The following ARAP2 variants were observed in gnomAD, a reference collection of about 807,000 sequenced individuals.
The protein encoded by ARAP2 is ArfGAP with RhoGAP domain, ankyrin repeat and PH domain 2.
ARAP2 carries 148 observed loss-of-function variants against 194.5 expected under a neutral mutation model. That is an observed-to-expected ratio of 0.76 (90% CI 0.67 to 0.87). The LOEUF (loss-of-function observed/expected upper bound fraction) is 0.87. Ranked by LOEUF, ARAP2 falls within the 40% of genes least tolerant of loss-of-function variation. The pLI, the probability that ARAP2 is intolerant of heterozygous loss-of-function variation, is 0.00. For missense variants in ARAP2, 2,128 were observed against 1,989.7 expected (o/e 1.07, Z -1.32); for synonymous variants, 695 against 683.5 (o/e 1.02, Z -0.26).
At chr4:36,023,826 G>C (rs1717427190) in intron 5 of ARAP2, among the ~76,000 whole-genome samples, 1 of 152,130 alleles carries the variant, frequency 6.6e-6, no homozygotes, top group South Asian at 2.1e-4. Context: ...TTATTGTCCT[G>C]TAATAAACTT....
Position 36,213,208 on chromosome 4 carries a change from G to A in ARAP2, c.1041+35C>T, listed in dbSNP as rs770988242. Reference sequence around the variant, plus strand: ...CAAATAGGCAGAAAAGCAAATAATTGATTATGGAAAACAATTAAAATGTAT... The same window carrying A: ...CAAATAGGCAGAAAAGCAAATAATTAATTATGGAAAACAATTAAAATGTAT... On this transcript the variant is annotated intron_variant, in intron 4 of 32. Coordinates refer to ENST00000303965, the MANE Select transcript of ARAP2 (RefSeq NM_015230.4). 12 of 1,418,890 alleles carry A rather than the reference G, an allele frequency of 8.5e-6. No homozygotes were observed. The South Asian group carries it at 1.2e-4, about 14-fold the overall frequency. The allele number at this position is 1,418,890 out of a possible 1,614,324, so 87.9% of individuals were successfully genotyped here. A position where few individuals can be genotyped will look rare whatever the true frequency, so the allele number is the denominator to read the frequency against.
intron 9 of ARAP2, among the ~76,000 whole-genome samples, chr4:36,173,680 C>T (rs1046398980): frequency 2.0e-5 from 3 of 151,646 alleles, no homozygotes; most frequent in Non-Finnish European, 1.5e-5. Context: ...AATTTTAAAG[C>T]GAATTGGAGG....
At chr4:36,105,003 G>A (rs1717996146) in intron 27 of ARAP2, among the ~76,000 whole-genome samples, 1 of 151,964 alleles carries the variant, frequency 6.6e-6, no homozygotes, top group Non-Finnish European at 1.5e-5. Context: ...CTCCCACCCT[G>A]TTAGAGATGT....
At chr4:36,009,790 A>C (rs533194041) in intron 9 of ARAP2, among the ~76,000 whole-genome samples, 27 of 86,048 alleles carry the variant, frequency 3.1e-4, no homozygotes, top group African/African-American at 9.9e-4. Flanking sequence ...GGGGATGAAA[A>C]AGGAACTCTT....
chr4:36,208,000 G>C (rs1745927328), intron 6 of ARAP2, among the ~76,000 whole-genome samples: 1 of 152,212 alleles, frequency 6.6e-6, no homozygotes, highest in South Asian at 2.1e-4. Context: ...CCACGTGCTA[G>C]ACAATGTTCT....
chr4:36,021,139 T>C (rs1222769190), intron 5 of ARAP2, among the ~76,000 whole-genome samples: 1 of 152,198 alleles, frequency 6.6e-6, no homozygotes, highest in African/African-American at 2.4e-5. Flanking sequence ...GAGATAAATG[T>C]ACATAAAGTT....
intron 27 of ARAP2, among the ~76,000 whole-genome samples, chr4:36,100,617 A>G (rs1716602891): frequency 6.6e-6 from 1 of 151,984 alleles, no homozygotes; most frequent in Admixed American, 6.6e-5. Context: ...TTTTTTTTAT[A>G]ATTTTGATGA....
downstream of ARAP2, among the ~76,000 whole-genome samples, chr4:36,064,023 T>C (rs1724919961): frequency 6.6e-6 from 1 of 152,238 alleles, no homozygotes. Context: ...GTCATATTTT[T>C]GCTTCAATTA....
intron 24 of ARAP2, 107 bp downstream of exon 24, chr4:36,119,543 A>T: frequency 2.9e-6 from 2 of 701,698 alleles, no homozygotes; most frequent in Admixed American, 2.8e-5. Flanking sequence ...CATTACTTTT[A>T]CTTTGCTTAA....
At position 36,148,882 on chromosome 4, in the gene ARAP2, CTCT is replaced by C. The variant is rs1730281508; in HGVS notation, c.2898-378_2898-376del. Among the ~76,000 whole-genome samples, 4 of 152,174 alleles carry C rather than the reference CTCT, an allele frequency of 2.6e-5. No individual in the cohort carries two copies. The South Asian group carries it at 8.3e-4, about 32-fold the overall frequency. On this transcript the variant is annotated intron_variant, in intron 16 of 32. Coordinates refer to ENST00000303965, the MANE Select transcript of ARAP2 (RefSeq NM_015230.4). ...AACACTGCCCAAACAGTTTTTAACC[CTCT>C]TCTTTTCTAACTTCAAATGGTCCCA...
chr4:36,063,055 T>C (rs1486973710), downstream of ARAP2, among the ~76,000 whole-genome samples: 3 of 152,126 alleles, frequency 2.0e-5, no homozygotes, highest in African/African-American at 7.2e-5. Flanking sequence ...CATAACTAAC[T>C]CCATTTTTTG....
Position 36,135,260 on chromosome 4 carries a change from A to T in ARAP2, c.3264-1871T>A, listed in dbSNP as rs367657844. Among the ~76,000 whole-genome samples, 9 of 151,894 alleles carry T rather than the reference A, an allele frequency of 5.9e-5. No individual in the cohort carries two copies. The South Asian group carries it at 1.9e-3, about 31-fold the overall frequency. On this transcript the variant is annotated intron_variant, in intron 19 of 32. Transcript: ENST00000303965. ...CTTTGGGGGCCAGGTGTGGGTAATA[A>T]GGAATGTAATCTTTTACATTTCTGA...
At position 36,161,567 on chromosome 4, in the gene ARAP2, A is replaced by C; in HGVS notation, c.2174-17T>G. ...TATGCTGTCCTAGAGTCAAAACACA[A>C]TTGCATTTCTATTTTAATTTGTATG... On this transcript the variant is annotated splice_polypyrimidine_tract_variant and intron_variant, in intron 11 of 32. Transcript: ENST00000303965. The C allele has an allele frequency of 6.4e-7, 1 of 1,573,418 alleles. No individual in the cohort carries two copies. Among genetic ancestry groups the C allele is most frequent in the Non-Finnish European group, 8.7e-7 (1 of 1,144,160 alleles).
In ARAP2 at chr4:36,218,182, CAGG is replaced by C. The variant is rs1282732957; in HGVS notation, c.906-3705_906-3703del. 1.8e-4 allele frequency among the ~76,000 whole-genome samples: 27 copies of C among 151,992 alleles called. 1 individual carries two copies. The highest frequency in any genetic ancestry group is 1.5e-5 in the Non-Finnish European group (1 of 67,980). The stretch of plus-strand genomic sequence containing the variant: ...AAGAGACCCAGTTACATGGATGGAG[CAGG>C]AGGTCATTTTCCTTAGCAAACTAAT... On this transcript the variant is annotated intron_variant, in intron 2 of 32. Transcript: ENST00000303965.
At chr4:36,135,004 A>C (rs1264733435) in intron 19 of ARAP2, among the ~76,000 whole-genome samples, 2 of 151,792 alleles carry the variant, frequency 1.3e-5, no homozygotes, top group African/African-American at 4.8e-5. Context: ...AAGCAAAGAA[A>C]GTATTTCAGT....
chr4:36,149,870 C>T (rs1308339660), intron 16 of ARAP2, among the ~76,000 whole-genome samples: 1 of 152,102 alleles, frequency 6.6e-6, no homozygotes, highest in African/African-American at 2.4e-5. Flanking sequence ...ATGTAAATAA[C>T]AGCTTTGCAA....
chr4:36,037,246 C>T (rs1720079300), intron 5 of ARAP2, among the ~76,000 whole-genome samples: 1 of 152,148 alleles, frequency 6.6e-6, no homozygotes, highest in Non-Finnish European at 1.5e-5. Flanking sequence ...GTGGTGTCAT[C>T]ATAGAAGCTG....
rs749507334 is a variant in ARAP2, at chr4:36,214,448, G to A, written c.938C>T (p.Ser313Leu). ...TTGCCATGCCACAGATTTTTCAGTT[G>A]AGGTAGCAACATTTCTTCTTTCACG... ...YFRERRNVAT[S>L]TEKSVAWQNS... The change falls in exon 3 of 33, where the codon TCA (serine) becomes TTA (leucine). Residue 313 changes from serine to leucine, a missense_variant. Transcript: ENST00000303965. 2 of 1,594,446 alleles carry A rather than the reference G, an allele frequency of 1.3e-6. No homozygotes were observed. Among genetic ancestry groups the A allele is most frequent in the South Asian group, 1.1e-5 (1 of 88,294 alleles).
rs915561795 is a variant in ARAP2 at position 36,197,122 on chromosome 4, G to A, written c.1488-3475C>T. 4.0e-5 allele frequency among the ~76,000 whole-genome samples: 6 copies of A among 151,134 alleles called. 1 individual carries two copies. The highest frequency in any genetic ancestry group is 4.2e-4 in the South Asian group (2 of 4,768). ...CCTTCCTTATCTTTTTGCAAAATAC[G>A]CATTTTATTGATACATATTAATTGA... On this transcript the variant is annotated intron_variant, in intron 6 of 32. Coordinates refer to ENST00000303965, the MANE Select transcript of ARAP2 (RefSeq NM_015230.4).
Sources: gnomAD v4.1 joint callset for allele counts (sites outside exome capture counted in the v4.1 genomes callset) on GRCh38, gnomAD v4.1.1 for gene constraint, MANE v1.5 for transcripts, NCBI Gene and HGNC (gene_info 2026-07-23, HGNC 2026-07-21) for gene names.